MEF2A: variants seen among roughly 807,000 people sequenced by gnomAD.
MEF2A encodes the protein myocyte enhancer factor 2A.
In MEF2A, 28 loss-of-function variants were observed where a neutral mutation model predicts 55.8. The observed-to-expected ratio is 0.50, with a 90% confidence interval of 0.37 to 0.69. The LOEUF is 0.69. MEF2A is among the 30% of genes least tolerant of loss of function. The probability of loss-of-function intolerance (pLI) is 0.00; values close to 1 mark genes in which losing one functional copy is unlikely to be tolerated. For synonymous variants in MEF2A, 239 were observed against 227.1 expected, an observed-to-expected ratio of 1.05 and a Z score of -0.47; for missense variants, 528 against 626.2, an observed-to-expected ratio of 0.84 and a Z score of 1.67.
intron 3 of MEF2A, among the ~76,000 whole-genome samples, chr15:99,638,688 A>G (rs1247141831): frequency 6.6e-6 from 1 of 151,870 alleles, no homozygotes; most frequent in African/African-American, 2.4e-5. Context: ...CATTTTCTCC[A>G]TTTTTAAGCT....
At chr15:99,596,754 T>C (rs1971312426) in intron 1 of MEF2A, among the ~76,000 whole-genome samples, 1 of 152,202 alleles carries the variant, frequency 6.6e-6, no homozygotes, top group African/African-American at 2.4e-5. Flanking sequence ...CTGAATGTCC[T>C]GCTCTATCTT....
chr15:99,575,752 C>T (rs1015045407), intron 1 of MEF2A, among the ~76,000 whole-genome samples: 1 of 152,202 alleles, frequency 6.6e-6, no homozygotes, highest in African/African-American at 2.4e-5. Flanking sequence ...TAGTGTTTTT[C>T]TAACCATCGT....
intron 8 of MEF2A, among the ~76,000 whole-genome samples, chr15:99,695,553 G>T (rs1319902561): frequency 2.0e-5 from 3 of 151,606 alleles, no homozygotes; most frequent in Admixed American, 6.6e-5. Context: ...GTGTGTGTGT[G>T]TGTGTGTGTG....
intron 7 of MEF2A, among the ~76,000 whole-genome samples, chr15:99,689,873 C>T (rs1361729058): frequency 6.6e-6 from 1 of 152,182 alleles, no homozygotes; most frequent in Non-Finnish European, 1.5e-5. Context: ...GTATTTCAGA[C>T]TTTGCTTGTC....
chr15:99,569,082 T>C (rs1039494550), intron 1 of MEF2A, among the ~76,000 whole-genome samples: 3 of 152,220 alleles, frequency 2.0e-5, no homozygotes, highest in African/African-American at 7.2e-5. Flanking sequence ...TTTTAACATA[T>C]GCTGATTTGC....
chr15:99,595,471 T>G (rs1356362242), intron 1 of MEF2A, among the ~76,000 whole-genome samples: 5 of 152,160 alleles, frequency 3.3e-5, no homozygotes, highest in African/African-American at 1.2e-4. Context: ...ATGTAAGCTC[T>G]ATGAAGTCAG....
At chr15:99,673,914 G>A (rs902888083) in intron 5 of MEF2A, among the ~76,000 whole-genome samples, 9 of 151,430 alleles carry the variant, frequency 5.9e-5, no homozygotes, top group Admixed American at 2.6e-4. Context: ...ATCAGAATGG[G>A]GAATATTTAT....
At chr15:99,588,198 C>T (rs1442984159) in intron 1 of MEF2A, among the ~76,000 whole-genome samples, 1 of 152,080 alleles carries the variant, frequency 6.6e-6, no homozygotes, top group Non-Finnish European at 1.5e-5. Context: ...CTCACTGCAG[C>T]CTCGACTGCC....
chr15:99,573,305 A>C, intron 1 of MEF2A, among the ~76,000 whole-genome samples: 1 of 151,892 alleles, frequency 6.6e-6, no homozygotes, highest in East Asian at 1.9e-4. Context: ...AAAAAAAAAA[A>C]AAGAAGTTGT....
At chr15:99,604,337 CT>C (rs1974323468) in intron 2 of MEF2A, among the ~76,000 whole-genome samples, 1 of 151,922 alleles carries the variant, frequency 6.6e-6, no homozygotes, top group Non-Finnish European at 1.5e-5. Context: ...GTTTTTCATT[CT>C]TTTCTTTCTG....
At chr15:99,663,556 A>T (rs1383106181) in intron 4 of MEF2A, among the ~76,000 whole-genome samples, 1 of 151,864 alleles carries the variant, frequency 6.6e-6, no homozygotes, top group Non-Finnish European at 1.5e-5. Flanking sequence ...TTTATGTATA[A>T]AAGTTTTATA....
At chr15:99,582,611 C>G (rs1966255494) in intron 1 of MEF2A, among the ~76,000 whole-genome samples, 1 of 151,904 alleles carries the variant, frequency 6.6e-6, no homozygotes, top group Admixed American at 6.6e-5. Context: ...GTAAATGAAT[C>G]CTTTACATTG....
rs553853518 is a variant in MEF2A at position 99,665,825 on chromosome 15, CAT to C, written c.259-5495_259-5494del. ...AGAAGACATTTATGCAGCCAACAAACATATGAAAAAAAGCTCATCATCACTGG... is the reference window on the plus strand; with the variant it reads ...AGAAGACATTTATGCAGCCAACAAACATGAAAAAAAGCTCATCATCACTGG... On this transcript the variant is annotated intron_variant, in intron 4 of 11. Transcript: ENST00000557942. Among the ~76,000 whole-genome samples, 1,289 of 139,014 alleles carry C rather than the reference CAT, an allele frequency of 9.3e-3. 23 individuals are homozygous for C. The highest frequency in any genetic ancestry group is 0.032 in the African/African-American group (1,195 of 37,428). The allele number at this position is 139,014 out of a possible 152,430, so 91.2% of individuals were successfully genotyped here.
rs2044637765 is a variant in MEF2A at position 99,640,237 on chromosome 15, C to G, written c.55-5324C>G. Reference sequence around the variant, plus strand: ...ACTTTTTGTTTTTTGTTCATTGAGACTTATCAATAATTGTATGTACCACAA... The same window carrying G: ...ACTTTTTGTTTTTTGTTCATTGAGAGTTATCAATAATTGTATGTACCACAA... On this transcript the variant is annotated intron_variant, in intron 3 of 11. Transcript: ENST00000557942. Among the ~76,000 whole-genome samples the G allele has an allele frequency of 2.6e-5, 4 of 152,122 alleles. No homozygotes were observed. The South Asian group carries it at 8.3e-4, about 32-fold the overall frequency.
At chr15:99,686,161 G>A (rs1175529783) in intron 7 of MEF2A, among the ~76,000 whole-genome samples, 1 of 152,066 alleles carries the variant, frequency 6.6e-6, no homozygotes, top group African/African-American at 2.4e-5. Context: ...GCAGATACTT[G>A]GTGGATTTTT....
intron 2 of MEF2A, among the ~76,000 whole-genome samples, chr15:99,616,486 T>C (rs2040209150): frequency 6.6e-6 from 1 of 152,144 alleles, no homozygotes; most frequent in African/African-American, 2.4e-5. Flanking sequence ...TAATGCATCT[T>C]AAATATTGGC....
At chr15:99,659,426 A>T (rs952177150) in intron 4 of MEF2A, among the ~76,000 whole-genome samples, 2 of 152,172 alleles carry the variant, frequency 1.3e-5, no homozygotes, top group Non-Finnish European at 2.9e-5. Flanking sequence ...TGATAAGATC[A>T]TGGAGGAACT....
chr15:99,688,254 A>G lies in MEF2A; in HGVS notation c.671-1987A>G, dbSNP rs116591276. Among the ~76,000 whole-genome samples the G allele has an allele frequency of 6.9e-3, 1,047 of 152,332 alleles. 13 individuals are homozygous for G. The highest frequency in any genetic ancestry group is 0.024 in the African/African-American group (995 of 41,578). ...AAGCTGGTGAATAATAGCTGTTTCT[A>G]TTAGGATAGTATCAGTTGCAACTAA... On this transcript the variant is annotated intron_variant, in intron 7 of 11. Coordinates refer to ENST00000557942, the MANE Select transcript of MEF2A (RefSeq NM_001319206.4).
chr15:99,612,141 G>A (rs1187419452), intron 2 of MEF2A, among the ~76,000 whole-genome samples: 1 of 152,012 alleles, frequency 6.6e-6, no homozygotes, highest in Non-Finnish European at 1.5e-5. Context: ...CCGGGCCGGG[G>A]GCAGTGGCTC....
Sources: gnomAD v4.1 joint callset for allele counts (sites outside exome capture counted in the v4.1 genomes callset) on GRCh38, gnomAD v4.1.1 for gene constraint, MANE v1.5 for transcripts, NCBI Gene and HGNC (gene_info 2026-07-23, HGNC 2026-07-21) for gene names.